Variants in NTM observed in about 807,000 individuals in gnomAD.
NTM encodes the protein neurotrimin, also known as IgLON family member 2.
In NTM, 13 loss-of-function variants were observed where a neutral mutation model predicts 42.1. The ratio of observed to expected loss-of-function variants is 0.31; its 90% CI spans 0.20 to 0.49. The LOEUF is 0.49. Among genes scored for constraint, NTM ranks in the 20% least tolerant of loss-of-function variants. The pLI, the probability that NTM is intolerant of heterozygous loss-of-function variation, is 0.99. For synonymous variants in NTM, 187 were observed against 179.2 expected, an observed-to-expected ratio of 1.04 and a Z score of -0.35; for missense variants, 373 against 452.8, an observed-to-expected ratio of 0.82 and a Z score of 1.60.
intron 8 of NTM, among the ~76,000 whole-genome samples, chr11:132,331,905 G>A (rs1210123591): frequency 1.3e-5 from 2 of 152,160 alleles, no homozygotes; most frequent in African/African-American, 2.4e-5. Context: ...TGGTTATGTG[G>A]CAAGGGGCAA....
chr11:131,416,663 G>A (rs1946990597), intron 1 of NTM, among the ~76,000 whole-genome samples: 1 of 152,214 alleles, frequency 6.6e-6, no homozygotes, highest in Non-Finnish European at 1.5e-5. Flanking sequence ...CATCTTGGGT[G>A]AGGCAAAGAA....
intron 2 of NTM, among the ~76,000 whole-genome samples, chr11:131,928,702 G>T (rs1209813637): frequency 1.4e-5 from 2 of 143,444 alleles, no homozygotes; most frequent in African/African-American, 2.7e-5. Flanking sequence ...AACTCTGTTT[G>T]TTTTCTGTGG....
At chr11:131,550,156 C>T (rs1346881768) in intron 1 of NTM, among the ~76,000 whole-genome samples, 1 of 152,214 alleles carries the variant, frequency 6.6e-6, no homozygotes, top group Non-Finnish European at 1.5e-5. Context: ...TAAATGTTTA[C>T]TATGTGCCAA....
At chr11:131,872,674 C>T (rs189642574) in intron 1 of NTM, among the ~76,000 whole-genome samples, 22 of 152,146 alleles carry the variant, frequency 1.4e-4, no homozygotes, top group African/African-American at 4.1e-4. Context: ...TTTAAGAGCC[C>T]GTCTAATTTG....
At chr11:131,556,491 A>T (rs942146973) in intron 1 of NTM, among the ~76,000 whole-genome samples, 1 of 152,194 alleles carries the variant, frequency 6.6e-6, no homozygotes, top group Non-Finnish European at 1.5e-5. Flanking sequence ...TCTTAGACAA[A>T]TTACTTAAAG....
intron 4 of NTM, among the ~76,000 whole-genome samples, chr11:132,255,062 C>T (rs2092363780): frequency 6.6e-6 from 1 of 152,218 alleles, no homozygotes; most frequent in African/African-American, 2.4e-5. Flanking sequence ...GCTTCTAGAA[C>T]CACATGCGGA....
rs4430516 is a variant in NTM, at chr11:131,563,180, C to T, written c.82+192292C>T. Among the ~76,000 whole-genome samples the T allele has an allele frequency of 2.6e-5, 4 of 152,282 alleles. No homozygotes were observed. The South Asian group carries it at 8.3e-4, about 32-fold the overall frequency. ...ATTAATTAATGTTTGGCAAAGCTTC[C>T]TAGACCTTTGCTTGAAAGAATCCAT... On this transcript the variant is annotated intron_variant, in intron 1 of 8. Transcript: ENST00000683400.
intron 1 of NTM, among the ~76,000 whole-genome samples, chr11:131,466,910 G>A (rs1410964018): frequency 1.3e-5 from 2 of 152,146 alleles, no homozygotes; most frequent in African/African-American, 2.4e-5. Flanking sequence ...AGGACAAGGG[G>A]AATGAAATTA....
intron 1 of NTM, among the ~76,000 whole-genome samples, chr11:131,894,285 T>C (rs1592641191): frequency 1.3e-5 from 2 of 152,166 alleles, no homozygotes; most frequent in Non-Finnish European, 2.9e-5. Flanking sequence ...GTCTATAAAG[T>C]ATTGGCCTAA....
chr11:131,434,156 A>T (rs1053489475), intron 1 of NTM, among the ~76,000 whole-genome samples: 4 of 152,178 alleles, frequency 2.6e-5, no homozygotes, highest in Non-Finnish European at 4.4e-5. Flanking sequence ...ATAATATTCC[A>T]TGGAGTATAT....
intron 1 of NTM, among the ~76,000 whole-genome samples, chr11:131,616,150 A>G (rs2061911986): frequency 6.6e-6 from 1 of 152,210 alleles, no homozygotes; most frequent in Non-Finnish European, 1.5e-5. Context: ...TCATCTACAA[A>G]TAAGGGTTAC....
chr11:132,291,870 G>C (rs866890269), intron 4 of NTM, among the ~76,000 whole-genome samples: 2 of 152,140 alleles, frequency 1.3e-5, no homozygotes, highest in Non-Finnish European at 1.5e-5. Context: ...GAATGGGTAG[G>C]TTCGGTGGAG....
intron 2 of NTM, among the ~76,000 whole-genome samples, chr11:132,078,561 C>T (rs912037396): frequency 1.3e-5 from 2 of 152,158 alleles, no homozygotes; most frequent in Non-Finnish European, 2.9e-5. Flanking sequence ...GAAATAATCT[C>T]CTAAGAGACA....
Position 132,314,565 on chromosome 11 carries a change from A to C in NTM, c.796A>C (p.Lys266Gln), listed in dbSNP as rs1473063533. ...TGTTTCTCTCAGACTGATTGAAGGA[A>C]AGAAAGGGGTGAAAGTGGAAAACAG... ...YKDDKRLIEG[K>Q]KGVKVENRPF... The change falls in exon 7 of 9, where the codon AAG (lysine) becomes CAG (glutamine). Residue 266 changes from lysine (K) to glutamine (Q), a missense_variant. Physicochemically the swap from Lys to Gln is moderately conservative, Grantham distance 53. Around this residue, in one of 3 missense-constraint regions of NTM, gnomAD observed 312 missense variants for 353.5 expected, o/e 0.88. Coordinates refer to ENST00000683400, the MANE Select transcript of NTM (RefSeq NM_001352005.2). The C allele has an allele frequency of 1.9e-6, 3 of 1,612,356 alleles. No homozygotes were observed. Among genetic ancestry groups the C allele is most frequent in the African/African-American group, 2.7e-5 (2 of 74,888 alleles).
chr11:131,970,763 T>A (rs1387589058), intron 2 of NTM, among the ~76,000 whole-genome samples: 1 of 152,214 alleles, frequency 6.6e-6, no homozygotes, highest in Admixed American at 6.5e-5. Flanking sequence ...GTTAATCACA[T>A]TCCTCAGTTC....
At chr11:131,396,417 C>T (rs997330598) in intron 1 of NTM, among the ~76,000 whole-genome samples, 1 of 152,140 alleles carries the variant, frequency 6.6e-6, no homozygotes, top group South Asian at 2.1e-4. Flanking sequence ...CCTTCATCCC[C>T]GTGGATGTGT....
At chr11:132,056,913 A>G (rs2135980001) in intron 2 of NTM, among the ~76,000 whole-genome samples, 1 of 152,272 alleles carries the variant, frequency 6.6e-6, no homozygotes, top group Non-Finnish European at 1.5e-5. Flanking sequence ...ATGAGTCACC[A>G]CCAGCTGTGC....
intron 1 of NTM, among the ~76,000 whole-genome samples, chr11:131,841,613 G>A (rs1466995487): frequency 1.3e-5 from 2 of 152,146 alleles, no homozygotes; most frequent in African/African-American, 2.4e-5. Context: ...TAGGGTGAGA[G>A]ACAGATAAGA....
At chr11:131,415,875 T>C (rs1946892419) in intron 1 of NTM, among the ~76,000 whole-genome samples, 1 of 152,252 alleles carries the variant, frequency 6.6e-6, no homozygotes, top group Non-Finnish European at 1.5e-5. Flanking sequence ...ATTGTCTTTA[T>C]GTGTTTATTT....
Sources: gnomAD v4.1 joint callset for allele counts (sites outside exome capture counted in the v4.1 genomes callset) on GRCh38, gnomAD v4.1.1 for gene constraint, gnomAD v4.1.1 regional missense constraint, MANE v1.5 for transcripts, NCBI Gene and HGNC (gene_info 2026-07-23, HGNC 2026-07-21) for gene names.